TNK2: variants seen among roughly 807,000 people sequenced by gnomAD.
TNK2 encodes activated CDC42 kinase 1.
Under a neutral mutation model 101.8 loss-of-function variants are expected in TNK2, and 83 were observed. That is an observed-to-expected ratio of 0.82 (90% CI 0.68 to 0.98). The LOEUF (loss-of-function observed/expected upper bound fraction) is 0.98. TNK2 is among the 50% of genes least tolerant of loss of function. The probability of loss-of-function intolerance (pLI) is 0.00; values close to 1 mark genes in which losing one functional copy is unlikely to be tolerated. For synonymous variants in TNK2, 804 were observed against 633.0 expected (o/e 1.27, Z -4.06); for missense variants, 1,665 against 1,483.2 (o/e 1.12, Z -2.01).
At chr3:195,895,458 A>C in intron 1 of TNK2, 1 of 1,410,610 alleles carries the variant, frequency 7.1e-7, no homozygotes, top group Non-Finnish European at 9.2e-7. Context: ...CAGCCCCCAT[A>C]GCCTCATCCG....
At position 195,888,511 on chromosome 3, in the gene TNK2, G is replaced by C. The variant is rs1474233461; in HGVS notation, c.78C>G (p.Leu26=). ...GGCGGGTGACGTTGAGGTCATCTCG[G>C]AGCCGCAGGAAGTACTGTTGCAGCT... ...EVQLQQYFLR[L]RDDLNVTRLS... The change falls in exon 2 of 16, where the codon CTC becomes CTG. Residue 26 remains leucine, a synonymous_variant. Coordinates refer to ENST00000672887, the MANE Select transcript of TNK2 (RefSeq NM_001382273.1). The surrounding 1 kb of genome is among the most constrained non-coding windows in gnomAD (Gnocchi z 5.3). The C allele has an allele frequency of 1.2e-6, 2 of 1,613,634 alleles. No homozygotes were observed. Among genetic ancestry groups the C allele is most frequent in the Admixed American group, 3.3e-5 (2 of 60,000 alleles).
intron 9 of TNK2, among the ~76,000 whole-genome samples, chr3:195,877,899 A>T (rs1046403298): frequency 1.3e-5 from 2 of 152,242 alleles, no homozygotes; most frequent in Middle Eastern, 3.4e-3. Context: ...TCCCTGTGCC[A>T]GGAAGAAGCA....
rs142696733 is a variant in TNK2 at position 195,891,810 on chromosome 3, G to A, written c.-18-3204C>T. ...CTGAAAACAGCTCAAAGCCATGCCC[G>A]GGGTGGTCAGGGCTGGGGGAGACCC... On this transcript the variant is annotated intron_variant, in intron 1 of 15. Transcript: ENST00000672887. The A allele has an allele frequency of 1.4e-3, 720 of 507,898 alleles. 3 individuals carry two copies. In the Middle Eastern group the frequency reaches 0.032, roughly 23 times the overall value. 31.5% of individuals were successfully genotyped at this position (507,898 alleles called of 1,614,324 possible).
intron 1 of TNK2, among the ~76,000 whole-genome samples, chr3:195,906,596 C>T (rs1467432101): frequency 7.3e-6 from 1 of 136,630 alleles, no homozygotes; most frequent in African/African-American, 2.8e-5. Flanking sequence ...GGCAGAGGAG[C>T]GGGGGATGGA....
Position 195,886,945 on chromosome 3 carries a change from CCTCCCACCTCCT to C in TNK2, c.234+20_234+31del, listed in dbSNP as rs763740192. 8.1e-6 allele frequency: 13 copies of C among 1,609,144 alleles called. No homozygotes were observed. The highest frequency in any genetic ancestry group is 1.1e-5 in the South Asian group (1 of 90,964). ...GGAGGGGGGCGTTCGAGGCTGCCCC[CCTCCCACCTCCT>C]CACCCACCTCCTCACCCACCTTACT... is the stretch of plus-strand genomic sequence containing the variant. On this transcript the variant is annotated intron_variant, in intron 3 of 15. Transcript: ENST00000672887. This position sits in a 1 kb window ranked among gnomAD's most constrained non-coding sequence, Gnocchi z 4.2.
rs1339024359 is a variant in TNK2 at position 195,864,146 on chromosome 3, C to T, written c.*35G>A. ...GGTGGACGGACAGGCTCAGGTGATTCCTTCAGGCAGGCCCTCTGGCTCTCC... is the reference window on the plus strand; with the variant it reads ...GGTGGACGGACAGGCTCAGGTGATTTCTTCAGGCAGGCCCTCTGGCTCTCC... On this transcript the variant is annotated 3_prime_UTR_variant, in exon 16 of 16. Coordinates refer to ENST00000672887, the MANE Select transcript of TNK2 (RefSeq NM_001382273.1). 10 of 1,613,916 alleles carry T rather than the reference C, an allele frequency of 6.2e-6. No individual in the cohort carries two copies. The highest frequency in any genetic ancestry group is 1.7e-5 in the Admixed American group (1 of 59,990).
rs1238250878 is a variant in TNK2 at position 195,864,253 on chromosome 3, G to A, written c.3162-66C>T. The A allele has an allele frequency of 2.5e-6, 4 of 1,602,782 alleles. 1 individual carries two copies. The highest frequency in any genetic ancestry group is 1.7e-5 in the Admixed American group (1 of 59,472). ...AGAAGGTTCAGCGGGGCAGGCACCG[G>A]GGGTCACACTGGTGCCAGGCAACAC... On this transcript the variant is annotated intron_variant, in intron 15 of 15. Coordinates refer to ENST00000672887, the MANE Select transcript of TNK2 (RefSeq NM_001382273.1).
At position 195,888,731 on chromosome 3, in the gene TNK2, C is replaced by G. The variant is rs770001613; in HGVS notation, c.-18-125G>C. On this transcript the variant is annotated intron_variant, in intron 1 of 15. Coordinates refer to ENST00000672887, the MANE Select transcript of TNK2 (RefSeq NM_001382273.1). This position sits in a 1 kb window ranked among gnomAD's most constrained non-coding sequence, Gnocchi z 5.3. ...CGGAAGGGCTCACACCACCTTCTGA[C>G]TCCCGAGGGAAGCTACCGAGAACCG... 4 of 924,086 alleles carry G rather than the reference C, an allele frequency of 4.3e-6. No homozygotes were observed. The highest frequency in any genetic ancestry group is 6.3e-6 in the Non-Finnish European group (4 of 636,424). 57.2% of individuals were successfully genotyped at this position (924,086 alleles called of 1,614,324 possible).
chr3:195,872,602 C>G, intron 9 of TNK2, 132 bp from the exon 10 acceptor site: 1 of 942,746 alleles, frequency 1.1e-6, no homozygotes, highest in South Asian at 1.7e-5. Flanking sequence ...CTGTGTGCCA[C>G]CGGCCCTCCT....
In TNK2 at chr3:195,866,762, G is replaced by A. The variant is rs1046714856; in HGVS notation, c.3161+127C>T. On this transcript the variant is annotated intron_variant, in intron 15 of 15. Coordinates refer to ENST00000672887, the MANE Select transcript of TNK2 (RefSeq NM_001382273.1). ...TGGGCCCTGTGAGCGCCTCCCTCCC[G>A]CAGCTGGAGAGCTGTGTCTCCCTGG... The A allele has an allele frequency of 3.6e-5, 49 of 1,368,092 alleles. No individual in the cohort carries two copies. In the Admixed American group the frequency reaches 9.2e-4, roughly 26 times the overall value. 84.7% of individuals were successfully genotyped at this position (1,368,092 alleles called of 1,614,324 possible). A position where few individuals can be genotyped will look rare whatever the true frequency, so the allele number is the denominator to read the frequency against.
intron 1 of TNK2, chr3:195,895,197 A>C: frequency 6.9e-7 from 1 of 1,447,940 alleles, no homozygotes; most frequent in Non-Finnish European, 9.1e-7. Flanking sequence ...CAGCAGACGA[A>C]GGGGTCTGGG....
intron 1 of TNK2, among the ~76,000 whole-genome samples, chr3:195,904,562 G>C (rs749030597): frequency 1.3e-5 from 2 of 152,114 alleles, no homozygotes; most frequent in African/African-American, 4.8e-5. Flanking sequence ...TGTTTAATAG[G>C]TGCGGTTTCA....
chr3:195,863,937 C>T lies in TNK2; in HGVS notation c.*244G>A, dbSNP rs944115918. ...GGCAGCCCTCAAGCCTGTCTTCACC[C>T]GGCCCCTTCCACATCTTGGCAGGGG... On this transcript the variant is annotated 3_prime_UTR_variant, in exon 16 of 16. Transcript: ENST00000672887. 5 of 524,958 alleles carry T rather than the reference C, an allele frequency of 9.5e-6. No individual in the cohort carries two copies. The highest frequency in any genetic ancestry group is 3.2e-5 in the Admixed American group (1 of 31,688). The allele number at this position is 524,958 out of a possible 1,614,324, so 32.5% of individuals were successfully genotyped here.
At chr3:195,883,055 G>A in intron 5 of TNK2, 102 bp downstream of exon 5, 1 of 1,443,614 alleles carries the variant, frequency 6.9e-7, no homozygotes, top group Admixed American at 1.9e-5. Context: ...ACCAAAGTAG[G>A]ATCTAGGGCG....
intron 9 of TNK2, among the ~76,000 whole-genome samples, chr3:195,876,123 T>G (rs1749095124): frequency 6.6e-6 from 1 of 152,010 alleles, no homozygotes; most frequent in South Asian, 2.1e-4. Flanking sequence ...CAACACCCGC[T>G]CTGTATGCGG....
chr3:195,891,963 T>C, intron 1 of TNK2: 1 of 995,914 alleles, frequency 1.0e-6, no homozygotes. Flanking sequence ...AGCGCAGCTC[T>C]GCACAGGGGA....
chr3:195,864,604 G>C (rs555498180), intron 15 of TNK2, among the ~76,000 whole-genome samples: 3 of 148,124 alleles, frequency 2.0e-5, no homozygotes, highest in Admixed American at 6.8e-5. Context: ...GACAGTGACA[G>C]ACAGGTGACA....
chr3:195,870,061 C>T (rs1743938657), intron 11 of TNK2, 53 bp downstream of exon 11: 21 of 1,339,656 alleles, frequency 1.6e-5, no homozygotes, highest in Non-Finnish European at 1.7e-5. Flanking sequence ...AGACAGTGCC[C>T]CTTCCTGAGT....
At chr3:195,868,881 C>T in intron 12 of TNK2, 172 bp from the exon 13 acceptor site, 3 of 716,302 alleles carry the variant, frequency 4.2e-6, no homozygotes, top group Non-Finnish European at 6.5e-6. Context: ...GCACCTCCGA[C>T]CACTCCATCA....
Sources: gnomAD v4.1 joint callset for allele counts (sites outside exome capture counted in the v4.1 genomes callset) on GRCh38, gnomAD v4.1.1 for gene constraint, Gnocchi (gnomAD v3.1) non-coding constraint, MANE v1.5 for transcripts, NCBI Gene and HGNC (gene_info 2026-07-23, HGNC 2026-07-21) for gene names.